KCNB2: variants seen among roughly 807,000 people sequenced by gnomAD.
KCNB2 encodes the protein delayed rectifier potassium channel protein.
KCNB2 carries 15 observed loss-of-function variants against 61.5 expected under a neutral mutation model. That is an observed-to-expected ratio of 0.24 (90% CI 0.16 to 0.38). The LOEUF (loss-of-function observed/expected upper bound fraction) is 0.38, where lower values mean the gene tolerates loss of function less well. Ranked by LOEUF, KCNB2 falls within the 10% of genes least tolerant of loss-of-function variation. The probability of loss-of-function intolerance (pLI) is 1.00; values close to 1 mark genes in which losing one functional copy is unlikely to be tolerated. For missense variants in KCNB2, 828 were observed against 1,125.2 expected, an observed-to-expected ratio of 0.74 and a Z score of 3.78; for synonymous variants, 457 against 446.0, an observed-to-expected ratio of 1.02 and a Z score of -0.31.
intron 2 of KCNB2, among the ~76,000 whole-genome samples, chr8:72,897,885 C>T (rs1490874498): frequency 6.6e-6 from 1 of 152,128 alleles, no homozygotes; most frequent in Non-Finnish European, 1.5e-5. Context: ...ACCCTGTTCT[C>T]AGATATGGAG....
chr8:72,694,821 A>G (rs1477150067), intron 2 of KCNB2, among the ~76,000 whole-genome samples: 2 of 151,782 alleles, frequency 1.3e-5, no homozygotes, highest in Admixed American at 1.3e-4. Context: ...TTAATAAAAC[A>G]AACAGTAATA....
intron 1 of KCNB2, among the ~76,000 whole-genome samples, chr8:72,538,527 C>A (rs1393029316): frequency 2.6e-5 from 4 of 152,158 alleles, no homozygotes; most frequent in Admixed American, 2.0e-4. Context: ...AGCATTTATG[C>A]GTATTCATTC....
intron 2 of KCNB2, among the ~76,000 whole-genome samples, chr8:72,727,010 C>T (rs1168045419): frequency 6.6e-6 from 1 of 152,134 alleles, no homozygotes; most frequent in Non-Finnish European, 1.5e-5. Context: ...TCTCTTTCTG[C>T]TTTTTATCTA....
chr8:72,889,752 C>G (rs937940526), intron 2 of KCNB2, among the ~76,000 whole-genome samples: 2 of 152,000 alleles, frequency 1.3e-5, no homozygotes, highest in African/African-American at 4.8e-5. Context: ...AAACTCTTGG[C>G]ACCCAAACTC....
At chr8:72,644,434 A>G (rs1324226183) in intron 2 of KCNB2, among the ~76,000 whole-genome samples, 1 of 152,166 alleles carries the variant, frequency 6.6e-6, no homozygotes, top group African/African-American at 2.4e-5. Context: ...TAAGGGATGA[A>G]AATTCATTCA....
At chr8:72,646,748 T>C (rs978578684) in intron 2 of KCNB2, among the ~76,000 whole-genome samples, 7 of 152,102 alleles carry the variant, frequency 4.6e-5, no homozygotes, top group Admixed American at 1.3e-4. Flanking sequence ...AGGGAGTTAG[T>C]GCTTAGTGAG....
At chr8:72,894,205 T>C (rs1304929558) in intron 2 of KCNB2, among the ~76,000 whole-genome samples, 4 of 152,012 alleles carry the variant, frequency 2.6e-5, no homozygotes, top group Non-Finnish European at 5.9e-5. Flanking sequence ...ATTGCAGGTG[T>C]AGGGACAAAC....
At chr8:72,542,786 A>G (rs1359497682) in intron 1 of KCNB2, among the ~76,000 whole-genome samples, 1 of 152,192 alleles carries the variant, frequency 6.6e-6, no homozygotes, top group Non-Finnish European at 1.5e-5. Context: ...GAGTTCTACC[A>G]TGAAATCCAG....
At chr8:72,712,856 G>A (rs1157024036) in intron 2 of KCNB2, among the ~76,000 whole-genome samples, 2 of 152,150 alleles carry the variant, frequency 1.3e-5, no homozygotes, top group Non-Finnish European at 2.9e-5. Flanking sequence ...GCCAAAGCAG[G>A]GCGAGGCATC....
At chr8:72,603,341 C>A (rs1805389111) in intron 2 of KCNB2, among the ~76,000 whole-genome samples, 1 of 152,198 alleles carries the variant, frequency 6.6e-6, no homozygotes, top group Admixed American at 6.5e-5. Context: ...TGTTCCATTG[C>A]ACTCTGGCTA....
intron 2 of KCNB2, among the ~76,000 whole-genome samples, chr8:72,643,400 ACT>A (rs1293108265): frequency 6.6e-6 from 1 of 151,982 alleles, no homozygotes. Flanking sequence ...CACACCCCAG[ACT>A]CTGCATCAAC....
chr8:72,588,968 C>G (rs911288037), intron 2 of KCNB2, among the ~76,000 whole-genome samples: 4 of 152,034 alleles, frequency 2.6e-5, no homozygotes, highest in African/African-American at 7.2e-5. Context: ...AGTGGCTTAG[C>G]TAGGGATTGA....
At chr8:72,682,783 T>C (rs904480769) in intron 2 of KCNB2, among the ~76,000 whole-genome samples, 2 of 152,030 alleles carry the variant, frequency 1.3e-5, no homozygotes, top group African/African-American at 4.8e-5. Context: ...TGTTGTTTTG[T>C]TTTGTAGAGA....
At chr8:72,844,249 G>T (rs796976162) in intron 2 of KCNB2, among the ~76,000 whole-genome samples, 1 of 151,882 alleles carries the variant, frequency 6.6e-6, no homozygotes, top group Non-Finnish European at 1.5e-5. Flanking sequence ...TTTCTTTAAG[G>T]ATGTTGAATA....
intron 2 of KCNB2, among the ~76,000 whole-genome samples, chr8:72,578,255 T>C (rs1806828875): frequency 6.6e-6 from 1 of 151,898 alleles, no homozygotes; most frequent in South Asian, 2.1e-4. Flanking sequence ...TCTATTTCAG[T>C]GCATTTTTTA....
At chr8:72,571,242 A>G (rs1472683632) in intron 2 of KCNB2, among the ~76,000 whole-genome samples, 2 of 152,240 alleles carry the variant, frequency 1.3e-5, no homozygotes, top group Non-Finnish European at 2.9e-5. Context: ...CCTATGATAT[A>G]AAAAATTATT....
intron 2 of KCNB2, among the ~76,000 whole-genome samples, chr8:72,729,550 C>T (rs1182192482): frequency 1.3e-5 from 2 of 152,116 alleles, no homozygotes; most frequent in Non-Finnish European, 2.9e-5. Flanking sequence ...TTATGAAGTA[C>T]GAAGACAGTT....
chr8:72,778,733 CAAAAAAAAAAAAA>C (rs753797385), intron 2 of KCNB2, among the ~76,000 whole-genome samples: 235 of 14,166 alleles, frequency 0.017, 2 homozygotes, highest in African/African-American at 0.027. Flanking sequence ...ACAGAGCGAG[CAAAAAAAAAAAAA>C]AAAAAAAAAA....
intron 2 of KCNB2, among the ~76,000 whole-genome samples, chr8:72,711,159 A>G (rs1807319333): frequency 6.6e-6 from 1 of 152,218 alleles, no homozygotes; most frequent in African/African-American, 2.4e-5. Flanking sequence ...ACAGCTGAAT[A>G]AGGTCTTGGA....
Sources: gnomAD v4.1 joint callset for allele counts (sites outside exome capture counted in the v4.1 genomes callset) on GRCh38, gnomAD v4.1.1 for gene constraint, MANE v1.5 for transcripts, NCBI Gene and HGNC (gene_info 2026-07-23, HGNC 2026-07-21) for gene names.